IMMP2L: variants seen among roughly 807,000 people sequenced by gnomAD.
The protein encoded by IMMP2L is inner mitochondrial membrane peptidase subunit 2, also known as mitochondrial inner membrane protease subunit 2.
IMMP2L carries 18 observed loss-of-function variants against 19.3 expected under a neutral mutation model. That is an observed-to-expected ratio of 0.93 (90% CI 0.64 to 1.38). The LOEUF (loss-of-function observed/expected upper bound fraction) is 1.38. IMMP2L is among the 40% of genes most tolerant of loss of function. IMMP2L has a pLI of 0.00. For missense variants in IMMP2L, 233 were observed against 218.2 expected (o/e 1.07, Z -0.43); for synonymous variants, 76 against 73.0 (o/e 1.04, Z -0.21).
intron 3 of IMMP2L, among the ~76,000 whole-genome samples, chr7:111,354,403 G>A (rs149858287): frequency 2.3e-4 from 35 of 151,586 alleles, no homozygotes; most frequent in African/African-American, 7.2e-4. Flanking sequence ...AACAGCAACC[G>A]ACAACGAAAA....
At chr7:111,343,167 A>G (rs1255673344) in intron 3 of IMMP2L, among the ~76,000 whole-genome samples, 2 of 152,096 alleles carry the variant, frequency 1.3e-5, no homozygotes, top group African/African-American at 4.8e-5. Context: ...TCACACTACA[A>G]TTACAAGGAT....
intron 3 of IMMP2L, among the ~76,000 whole-genome samples, chr7:111,299,795 T>C (rs1032914359): frequency 6.6e-6 from 1 of 152,058 alleles, no homozygotes; most frequent in African/African-American, 2.4e-5. Flanking sequence ...TTGCATATGG[T>C]CTGTTTACAC....
At chr7:110,918,194 C>G (rs556764948) in intron 4 of IMMP2L, among the ~76,000 whole-genome samples, 1 of 152,206 alleles carries the variant, frequency 6.6e-6, no homozygotes, top group Non-Finnish European at 1.5e-5. Context: ...TTAGATGTCT[C>G]AAAACACAGA....
chr7:111,108,821 A>C lies in IMMP2L; in HGVS notation c.240-145256T>G, dbSNP rs527989683. 2.0e-5 allele frequency among the ~76,000 whole-genome samples: 3 copies of C among 152,176 alleles called. No homozygotes were observed. In the South Asian group the frequency reaches 6.2e-4, roughly 31 times the overall value. The stretch of plus-strand genomic sequence containing the variant: ...TCACAAATGAGTACCTCGTACAGCA[A>C]ATTTTTTTAAATGTATAATAAGATG... On this transcript the variant is annotated intron_variant, in intron 3 of 5. Transcript: ENST00000405709.
intron 5 of IMMP2L, among the ~76,000 whole-genome samples, chr7:110,855,607 G>C (rs898025184): frequency 6.6e-6 from 1 of 151,990 alleles, no homozygotes; most frequent in African/African-American, 2.4e-5. Context: ...CATTATCCTA[G>C]CAGAGAATGT....
At chr7:111,369,884 AG>A (rs1038419595) in intron 3 of IMMP2L, among the ~76,000 whole-genome samples, 4 of 151,918 alleles carry the variant, frequency 2.6e-5, no homozygotes, top group Non-Finnish European at 5.9e-5. Context: ...GATGGTAAAG[AG>A]GAAGATGAAT....
intron 2 of IMMP2L, among the ~76,000 whole-genome samples, chr7:111,492,862 G>A (rs894809230): frequency 5.3e-5 from 8 of 152,208 alleles, no homozygotes; most frequent in Non-Finnish European, 5.9e-5. Flanking sequence ...TCCTCCACAA[G>A]TTTAAATTAG....
intron 3 of IMMP2L, among the ~76,000 whole-genome samples, chr7:111,349,197 AT>A: frequency 6.6e-6 from 1 of 152,250 alleles, no homozygotes; most frequent in Admixed American, 6.5e-5. Context: ...CTTCAATTCC[AT>A]TTTTCACTAA....
chr7:111,490,283 T>C (rs1305509389), intron 2 of IMMP2L, among the ~76,000 whole-genome samples: 1 of 149,940 alleles, frequency 6.7e-6, no homozygotes. Flanking sequence ...GTTTTTTTTT[T>C]CCTTTTTTTT....
rs1206355417 is a variant in IMMP2L, at chr7:110,924,873, C to T, written c.306-38178G>A. On this transcript the variant is annotated intron_variant, in intron 4 of 5. Coordinates refer to ENST00000405709, the MANE Select transcript of IMMP2L (RefSeq NM_032549.4). This position sits in a 1 kb window ranked among gnomAD's most constrained non-coding sequence, Gnocchi z 4.2. Reference sequence around the variant, plus strand: ...CTCTGCCACTACACTGCCTTAGAGCCTTATATTTCAAGAAAATGGTATATT... The same window carrying T: ...CTCTGCCACTACACTGCCTTAGAGCTTTATATTTCAAGAAAATGGTATATT... 6.6e-6 allele frequency among the ~76,000 whole-genome samples: 1 copy of T among 151,962 alleles called. No individual in the cohort carries two copies. Among genetic ancestry groups the T allele is most frequent in the African/African-American group, 2.4e-5 (1 of 41,368 alleles).
chr7:111,216,116 A>T (rs1011089382), intron 3 of IMMP2L, among the ~76,000 whole-genome samples: 4 of 152,118 alleles, frequency 2.6e-5, no homozygotes, highest in African/African-American at 7.2e-5. Flanking sequence ...CATTCCAGAT[A>T]CCTCACCGTA....
At chr7:110,977,141 T>C (rs1820777744) in intron 3 of IMMP2L, among the ~76,000 whole-genome samples, 2 of 151,978 alleles carry the variant, frequency 1.3e-5, no homozygotes, top group Non-Finnish European at 1.5e-5. Flanking sequence ...CTTACGGTCA[T>C]TAATTCATTC....
At chr7:110,733,196 C>A (rs146888975) in intron 5 of IMMP2L, among the ~76,000 whole-genome samples, 2 of 152,262 alleles carry the variant, frequency 1.3e-5, no homozygotes, top group South Asian at 4.1e-4. Context: ...GGTGCTAGTA[C>A]GACAGCTCTA....
chr7:111,042,910 T>C (rs1362953311), intron 3 of IMMP2L, among the ~76,000 whole-genome samples: 1 of 152,366 alleles, frequency 6.6e-6, no homozygotes, highest in African/African-American at 2.4e-5. Flanking sequence ...TTGTTCACTG[T>C]AACCCAGCAC....
At chr7:111,017,126 G>A (rs1412518845) in intron 3 of IMMP2L, among the ~76,000 whole-genome samples, 1 of 149,654 alleles carries the variant, frequency 6.7e-6, no homozygotes, top group Non-Finnish European at 1.5e-5. Flanking sequence ...GGAGTGCAGT[G>A]CTGTGACCAG....
chr7:111,479,823 T>G (rs1186271217), intron 3 of IMMP2L, among the ~76,000 whole-genome samples: 1 of 152,132 alleles, frequency 6.6e-6, no homozygotes, highest in Non-Finnish European at 1.5e-5. Flanking sequence ...ATAATTTTGT[T>G]CTTTGAAAAC....
chr7:111,463,922 C>T (rs1840374205), intron 3 of IMMP2L, among the ~76,000 whole-genome samples: 1 of 152,222 alleles, frequency 6.6e-6, no homozygotes, highest in Non-Finnish European at 1.5e-5. Flanking sequence ...TTAGCCTCAG[C>T]ATGGCTGCCA....
Position 111,187,467 on chromosome 7 carries a change from A to G in IMMP2L, c.240-223902T>C, listed in dbSNP as rs1382113866. On this transcript the variant is annotated intron_variant, in intron 3 of 5. Transcript: ENST00000405709. Reference sequence around the variant, plus strand: ...ATAGCTAAAAGCCAATTGCACTCTTATATTTCAAACATAGTATTGTAACGA... The same window carrying G: ...ATAGCTAAAAGCCAATTGCACTCTTGTATTTCAAACATAGTATTGTAACGA... 3.3e-5 allele frequency among the ~76,000 whole-genome samples: 5 copies of G among 152,166 alleles called. No homozygotes were observed. The East Asian group carries it at 9.6e-4, about 29-fold the overall frequency.
At chr7:111,333,471 T>A (rs1229327818) in intron 3 of IMMP2L, among the ~76,000 whole-genome samples, 1 of 152,066 alleles carries the variant, frequency 6.6e-6, no homozygotes, top group East Asian at 1.9e-4. Context: ...ATTTGAAGAC[T>A]ATGATTTCAG....
Sources: allele counts gnomAD v4.1 joint callset (sites outside exome capture counted in the v4.1 genomes callset), GRCh38; gene constraint gnomAD v4.1.1; non-coding constraint Gnocchi (gnomAD v3.1); transcripts MANE v1.5; gene names NCBI Gene and HGNC (gene_info 2026-07-23, HGNC 2026-07-21).